The following MIGA2 variants were observed in gnomAD, a reference collection of about 807,000 sequenced individuals.
The protein encoded by MIGA2 is mitoguardin 2.
A neutral mutation model predicts 69.9 loss-of-function variants in MIGA2; 36 were observed. That is an observed-to-expected ratio of 0.52 (90% CI 0.39 to 0.68). MIGA2 has a LOEUF of 0.68. MIGA2 is among the 30% of genes least tolerant of loss of function. The pLI, the probability that MIGA2 is intolerant of heterozygous loss-of-function variation, is 0.00. For synonymous variants in MIGA2, 333 were observed against 349.2 expected, an observed-to-expected ratio of 0.95 and a Z score of 0.52; for missense variants, 660 against 787.7, an observed-to-expected ratio of 0.84 and a Z score of 1.94.
intron 1 of MIGA2, chr9:129,037,037 G>A (rs1330998199): frequency 2.0e-5 from 20 of 1,002,512 alleles, no homozygotes; most frequent in South Asian, 9.3e-5. Flanking sequence ...ATGATATTCC[G>A]GGGTGGGGGC....
Position 129,069,262 on chromosome 9 carries a change from C to A in MIGA2, c.1458+133C>A. The A allele has an allele frequency of 3.6e-6, 4 of 1,120,338 alleles. No individual in the cohort carries two copies. In the South Asian group the frequency reaches 5.1e-5, roughly 14 times the overall value. The allele number at this position is 1,120,338 out of a possible 1,614,324, so 69.4% of individuals were successfully genotyped here. On this transcript the variant is annotated intron_variant, in intron 14 of 15. Transcript: ENST00000684074. This position sits in a 1 kb window ranked among gnomAD's most constrained non-coding sequence, Gnocchi z 4.9. ...CACAGTCCTGGCCCCCTTGTTCCGC[C>A]GTTACCTCTCCCTGTGCCAGGAGCT... is the stretch of plus-strand genomic sequence containing the variant.
At chr9:129,053,360 G>T (rs186150974) in intron 6 of MIGA2, among the ~76,000 whole-genome samples, 1 of 151,654 alleles carries the variant, frequency 6.6e-6, no homozygotes, top group East Asian at 1.9e-4. Context: ...TCTGTCTATT[G>T]CTATAATTTT....
At position 129,040,548 on chromosome 9, in the gene MIGA2, TG is replaced by T; in HGVS notation, c.-45del. Reference sequence around the variant, plus strand: ...GGCAACCAGTTGAAGACGTTCTCCTTGGAAGCTCTTGGCCCTGAGGACTTTG... The same window carrying T: ...GGCAACCAGTTGAAGACGTTCTCCTTGAAGCTCTTGGCCCTGAGGACTTTG... On this transcript the variant is annotated 5_prime_UTR_variant, in exon 2 of 16. It removes the in-frame stop codon of an upstream open reading frame in the 5' UTR. Coordinates refer to ENST00000684074, the MANE Select transcript of MIGA2 (RefSeq NM_001329990.2). 1 of 1,581,152 alleles carries T rather than the reference TG, an allele frequency of 6.3e-7. No homozygotes were observed. The highest frequency in any genetic ancestry group is 8.6e-7 in the Non-Finnish European group (1 of 1,158,796).
intron 11 of MIGA2, among the ~76,000 whole-genome samples, chr9:129,066,055 G>A (rs1261174892): frequency 6.6e-6 from 1 of 152,216 alleles, no homozygotes; most frequent in East Asian, 1.9e-4. Context: ...GGCAGTGGCC[G>A]TTTACCTGGC....
chr9:129,060,368 C>T lies in MIGA2; in HGVS notation c.794-182C>T, dbSNP rs765282111. 2.5e-5 allele frequency: 14 copies of T among 552,262 alleles called. No homozygotes were observed. The highest frequency in any genetic ancestry group is 2.8e-4 in the Middle Eastern group (1 of 3,586). The allele number at this position is 552,262 out of a possible 1,614,324, so 34.2% of individuals were successfully genotyped here. Reference sequence around the variant, plus strand: ...TGTTGAAGGAGGTCACTCACTGAGGCGAGGAGTCCAGCGTCCTCACACAGA... The same window carrying T: ...TGTTGAAGGAGGTCACTCACTGAGGTGAGGAGTCCAGCGTCCTCACACAGA... On this transcript the variant is annotated intron_variant, in intron 7 of 15. Transcript: ENST00000684074. The surrounding 1 kb of genome is among the most constrained non-coding windows in gnomAD (Gnocchi z 4.8).
At chr9:129,049,987 T>A in intron 6 of MIGA2, 24 bp downstream of exon 6, 1 of 1,595,994 alleles carries the variant, frequency 6.3e-7, no homozygotes, top group Non-Finnish European at 8.5e-7. Flanking sequence ...TGCATCCCCC[T>A]ACGCCCATGG....
At chr9:129,041,559 T>C (rs188496203) in intron 2 of MIGA2, among the ~76,000 whole-genome samples, 1 of 152,326 alleles carries the variant, frequency 6.6e-6, no homozygotes, top group Non-Finnish European at 1.5e-5. Flanking sequence ...GGTCTTGAAC[T>C]CTTGGGCTCA....
intron 2 of MIGA2, among the ~76,000 whole-genome samples, chr9:129,041,426 G>A (rs371001269): frequency 1.3e-5 from 2 of 152,190 alleles, no homozygotes; most frequent in South Asian, 2.1e-4. Flanking sequence ...CCCAGGAAGC[G>A]GAGGTTGCAG....
At chr9:129,049,277 G>A in intron 4 of MIGA2, 104 bp from the exon 5 acceptor site, 1 of 1,064,028 alleles carries the variant, frequency 9.4e-7, no homozygotes, top group African/African-American at 1.6e-5. Flanking sequence ...GGCATTTGGA[G>A]GGGGCGTGTG....
At chr9:129,062,731 C>A (rs1846131737) in intron 9 of MIGA2, among the ~76,000 whole-genome samples, 1 of 151,960 alleles carries the variant, frequency 6.6e-6, no homozygotes, top group African/African-American at 2.4e-5. Context: ...GTAGTCCCAG[C>A]TACTTGGGAG....
At chr9:129,067,100 C>T (rs571691300) in intron 11 of MIGA2, among the ~76,000 whole-genome samples, 8 of 145,898 alleles carry the variant, frequency 5.5e-5, no homozygotes, top group Admixed American at 2.1e-4. Context: ...CGTGCCACTG[C>T]ACTCCAGCCT....
At position 129,042,656 on chromosome 9, in the gene MIGA2, G is replaced by A; in HGVS notation, c.307+142G>A. On this transcript the variant is annotated intron_variant, in intron 3 of 15. Transcript: ENST00000684074. The stretch of plus-strand genomic sequence containing the variant: ...AGGTCTCCTGATCTGTGAGCGGGAT[G>A]ACAGTAGCGTCCCTCCCTCCAGTCA... The A allele has an allele frequency of 9.5e-6, 8 of 838,322 alleles. No homozygotes were observed. In the South Asian group the frequency reaches 1.3e-4, roughly 14 times the overall value. 51.9% of individuals were successfully genotyped at this position (838,322 alleles called of 1,614,324 possible).
chr9:129,048,452 C>T lies in MIGA2; in HGVS notation c.333C>T (p.Ser111=), dbSNP rs751491279. The stretch of plus-strand genomic sequence containing the variant: ...GATACTCCAGCCGGAGAGTCCAGAG[C>T]CCCAGCAGCAAGAGCAACGACACCC... ...KKGYSSRRVQ[S]PSSKSNDTLS... Residue 111 remains serine (S), a synonymous_variant, in exon 4 of 16, where the codon AGC becomes AGT. Transcript: ENST00000684074. The T allele has an allele frequency of 6.2e-7, 1 of 1,614,046 alleles. No homozygotes were observed. The highest frequency in any genetic ancestry group is 1.1e-5 in the South Asian group (1 of 91,088).
Position 129,061,803 on chromosome 9 carries a change from G to T in MIGA2, c.1010+457G>T, listed in dbSNP as rs1846080398. ...GCACTGGTCCTAAGCGCAGTGTCTG[G>T]ACACAGCTCCTCTGTAGGAGAGGTC... On this transcript the variant is annotated intron_variant, in intron 9 of 15. Coordinates refer to ENST00000684074, the MANE Select transcript of MIGA2 (RefSeq NM_001329990.2). This position sits in a 1 kb window ranked among gnomAD's most constrained non-coding sequence, Gnocchi z 5.0. 6.6e-6 allele frequency among the ~76,000 whole-genome samples: 1 copy of T among 152,154 alleles called. No homozygotes were observed. The highest frequency in any genetic ancestry group is 6.6e-5 in the Admixed American group (1 of 15,264).
intron 11 of MIGA2, among the ~76,000 whole-genome samples, chr9:129,065,515 A>G (rs1846295177): frequency 6.7e-6 from 1 of 148,452 alleles, no homozygotes; most frequent in South Asian, 2.1e-4. Context: ...ACACCCAGCT[A>G]ATTTTTGTAT....
intron 6 of MIGA2, among the ~76,000 whole-genome samples, chr9:129,054,729 T>C (rs746447494): frequency 6.6e-5 from 10 of 152,232 alleles, no homozygotes; most frequent in Non-Finnish European, 1.3e-4. Context: ...ACATTTTGTT[T>C]ATTTGTTCAT....
At chr9:129,041,995 C>T (rs1844930949) in intron 2 of MIGA2, 1 of 377,966 alleles carries the variant, frequency 2.6e-6, no homozygotes, top group Non-Finnish European at 5.1e-6. Context: ...CAGGCTAGGT[C>T]CTAGTGCAGT....
Position 129,059,148 on chromosome 9 carries a change from T to C in MIGA2, c.676-6T>C. Reference sequence around the variant, plus strand: ...TCTGGGTTGAGGGTCCTTGTTTTTATGGCAGCCAGAGTCACAGCGGAAGGA... The same window carrying C: ...TCTGGGTTGAGGGTCCTTGTTTTTACGGCAGCCAGAGTCACAGCGGAAGGA... On this transcript the variant is annotated splice_polypyrimidine_tract_variant and splice_region_variant and intron_variant, in intron 6 of 15. Transcript: ENST00000684074. The surrounding 1 kb of genome is among the most constrained non-coding windows in gnomAD (Gnocchi z 5.6). 6.2e-7 allele frequency: 1 copy of C among 1,613,060 alleles called. No individual in the cohort carries two copies. Among genetic ancestry groups the C allele is most frequent in the Non-Finnish European group, 8.5e-7 (1 of 1,179,138 alleles).
In MIGA2 at chr9:129,045,912, G is replaced by A. The variant is rs1470991098; in HGVS notation, c.308-2515G>A. 2.7e-5 allele frequency among the ~76,000 whole-genome samples: 4 copies of A among 150,500 alleles called. No individual in the cohort carries two copies. The East Asian group carries it at 5.9e-4, about 22-fold the overall frequency. ...CTCTGTCGCCAGGCTGGAGTGCAGTGGTGCCATCTTGGCTCACTGCAACCT... is the reference window on the plus strand; with the variant it reads ...CTCTGTCGCCAGGCTGGAGTGCAGTAGTGCCATCTTGGCTCACTGCAACCT... On this transcript the variant is annotated intron_variant, in intron 3 of 15. Coordinates refer to ENST00000684074, the MANE Select transcript of MIGA2 (RefSeq NM_001329990.2).
Sources: allele counts gnomAD v4.1 joint callset (sites outside exome capture counted in the v4.1 genomes callset), GRCh38; gene constraint gnomAD v4.1.1; non-coding constraint Gnocchi (gnomAD v3.1); transcripts MANE v1.5; gene names NCBI Gene and HGNC (gene_info 2026-07-23, HGNC 2026-07-21).